CYFIP1: variants seen among roughly 807,000 people sequenced by gnomAD.
The protein encoded by CYFIP1 is cytoplasmic FMR1 interacting protein 1.
In CYFIP1, 58 loss-of-function variants were observed where a neutral mutation model predicts 163.5. That is an observed-to-expected ratio of 0.35 (90% CI 0.29 to 0.44). CYFIP1 has a LOEUF of 0.44. Among genes scored for constraint, CYFIP1 ranks in the 20% least tolerant of loss-of-function variants. The probability of loss-of-function intolerance (pLI) is 1.00; values close to 1 mark genes in which losing one functional copy is unlikely to be tolerated. For synonymous variants in CYFIP1, 663 were observed against 660.7 expected, an observed-to-expected ratio of 1.00 and a Z score of -0.05; for missense variants, 1,338 against 1,653.8, an observed-to-expected ratio of 0.81 and a Z score of 3.31.
intron 12 of CYFIP1, among the ~76,000 whole-genome samples, chr15:22,927,271 G>A (rs1033054884): frequency 5.3e-5 from 8 of 152,026 alleles, no homozygotes; most frequent in Non-Finnish European, 1.2e-4. Flanking sequence ...CCTGAGGTCA[G>A]GAGTTCAAGA....
chr15:22,944,889 C>G lies in CYFIP1; in HGVS notation c.258G>C (p.Trp86Cys). ...GTGGGATGGCCCGGGAGCAGCTCCT[C>G]CAGGTGTACAGCATGACAGCATATT... ...GQEYAVMLYT[W>C]RSCSRAIPQV... is the part of the protein sequence containing the mutation. The change falls in exon 4 of 31, where the codon TGG (tryptophan) becomes TGC (cysteine). Residue 86 changes from tryptophan (W) to cysteine (C), a missense_variant. By Grantham distance (215) the Trp-to-Cys change is radical (BLOSUM62 -2). This residue lies in a region of CYFIP1 where 186 missense variants were observed against 288.3 expected (regional missense o/e 0.65). Transcript: ENST00000617928. 1 of 1,614,044 alleles carries G rather than the reference C, an allele frequency of 6.2e-7. No individual in the cohort carries two copies. The highest frequency in any genetic ancestry group is 8.5e-7 in the Non-Finnish European group (1 of 1,180,004).
Position 22,918,823 on chromosome 15 carries a change from C to T in CYFIP1, c.1395G>A (p.Met465Ile). Residue 465 changes from methionine (M) to isoleucine (I), a missense_variant, in exon 14 of 31, where the codon ATG becomes ATA. By Grantham distance (10) the Met-to-Ile change is conservative. Around this residue, in one of 4 missense-constraint regions of CYFIP1, gnomAD observed 824 missense variants for 995.7 expected, o/e 0.83. Coordinates refer to ENST00000617928, the MANE Select transcript of CYFIP1 (RefSeq NM_014608.6). ...IAMIKGLQVL[M>I]GRMESVFNHA... The stretch of plus-strand genomic sequence containing the variant: ...GGTTGAACACGCTCTCCATCCTGCC[C>T]ATCAGCACCTGCAGGCCTTTGATCA... 1.2e-6 allele frequency: 2 copies of T among 1,612,486 alleles called. No individual in the cohort carries two copies. The highest frequency in any genetic ancestry group is 8.5e-7 in the Non-Finnish European group (1 of 1,179,240).
Position 22,870,197 on chromosome 15 carries a change from A to G in CYFIP1, c.3598-5T>C, listed in dbSNP as rs1429953232. On this transcript the variant is annotated splice_polypyrimidine_tract_variant and splice_region_variant and intron_variant, in intron 30 of 30. Coordinates refer to ENST00000617928, the MANE Select transcript of CYFIP1 (RefSeq NM_014608.6). ...CTCCACCATCTTCTTCAAAGGCTAC[A>G]ACCATCAAAGTGAGGATGTTTTACT... 3 of 1,604,710 alleles carry G rather than the reference A, an allele frequency of 1.9e-6. No homozygotes were observed. The South Asian group carries it at 3.4e-5, about 18-fold the overall frequency.
chr15:22,913,699 C>T (rs999773410), intron 17 of CYFIP1, among the ~76,000 whole-genome samples: 2 of 151,114 alleles, frequency 1.3e-5, no homozygotes, highest in African/African-American at 4.9e-5. Flanking sequence ...GTTGAAGGCC[C>T]GTCTCCCACT....
At chr15:22,909,506 A>G (rs1055450882) in intron 20 of CYFIP1, among the ~76,000 whole-genome samples, 193 bp from the exon 21 acceptor site, 1 of 152,148 alleles carries the variant, frequency 6.6e-6, no homozygotes, top group African/African-American at 2.4e-5. Context: ...ACGATAAATA[A>G]AATTACTCCA....
intron 1 of CYFIP1, among the ~76,000 whole-genome samples, chr15:22,957,690 A>G (rs929387526): frequency 2.0e-5 from 3 of 152,244 alleles, no homozygotes; most frequent in Non-Finnish European, 2.9e-5. Flanking sequence ...GCTAAACAGC[A>G]TAATCAAACA....
intron 23 of CYFIP1, among the ~76,000 whole-genome samples, chr15:22,887,480 A>C (rs1280815561): frequency 6.6e-6 from 1 of 152,254 alleles, no homozygotes; most frequent in Non-Finnish European, 1.5e-5. Context: ...TTTGAAAAGA[A>C]GAACACGAAA....
chr15:22,921,633 T>C (rs908602887), intron 13 of CYFIP1, among the ~76,000 whole-genome samples: 3 of 151,370 alleles, frequency 2.0e-5, no homozygotes, highest in African/African-American at 4.9e-5. Flanking sequence ...CAGGCCAACA[T>C]TGGTGAAACC....
intron 1 of CYFIP1, among the ~76,000 whole-genome samples, chr15:22,958,662 G>A (rs117650045): frequency 0.027 from 4,150 of 152,050 alleles, 113 homozygotes; most frequent in Admixed American, 0.071. Flanking sequence ...TCCTAACATC[G>A]CCCTCCCCCA....
chr15:22,901,220 A>C (rs1003268960), intron 22 of CYFIP1, among the ~76,000 whole-genome samples: 5 of 151,974 alleles, frequency 3.3e-5, no homozygotes, highest in Admixed American at 3.3e-4. Flanking sequence ...CAAAAAAAAA[A>C]ACCAAAAAAA....
At chr15:22,933,676 G>A in intron 10 of CYFIP1, 126 bp downstream of exon 10, 1 of 694,606 alleles carries the variant, frequency 1.4e-6, no homozygotes, top group Non-Finnish European at 2.5e-6. Context: ...CTGCAATACT[G>A]GACATTTAAT....
chr15:22,884,201 C>T (rs2059868621), intron 23 of CYFIP1, among the ~76,000 whole-genome samples: 1 of 152,162 alleles, frequency 6.6e-6, no homozygotes, highest in African/African-American at 2.4e-5. Context: ...AACAGTGCCC[C>T]AAAGTCTTAA....
At chr15:22,979,593 C>A (rs1237780093) in intron 1 of CYFIP1, among the ~76,000 whole-genome samples, 1 of 152,216 alleles carries the variant, frequency 6.6e-6, no homozygotes, top group Non-Finnish European at 1.5e-5. Flanking sequence ...GTTCCATCAA[C>A]CCCGTTTCCC....
intron 3 of CYFIP1, 182 bp downstream of exon 3, chr15:22,946,821 C>G (rs778744132): frequency 2.7e-5 from 19 of 714,390 alleles, no homozygotes; most frequent in Admixed American, 2.4e-4. Flanking sequence ...TTTTCAGAAC[C>G]AGCATGTATT....
chr15:22,909,321 A>T lies in CYFIP1; in HGVS notation c.2269-8T>A. 6.2e-7 allele frequency: 1 copy of T among 1,613,986 alleles called. No individual in the cohort carries two copies. The highest frequency in any genetic ancestry group is 8.5e-7 in the Non-Finnish European group (1 of 1,179,890). ...TATTGATCTGCCGAGGAGCTGGCGT[A>T]CACAGGGAAGGATGGCAGGTAAAGA... On this transcript the variant is annotated splice_polypyrimidine_tract_variant and splice_region_variant and intron_variant, in intron 20 of 30. Transcript: ENST00000617928.
intron 1 of CYFIP1, among the ~76,000 whole-genome samples, chr15:22,976,800 C>G (rs970378600): frequency 6.6e-6 from 1 of 152,168 alleles, no homozygotes; most frequent in Middle Eastern, 3.2e-3. Context: ...TGGAACGTAT[C>G]GTCCATGGAT....
chr15:22,902,276 C>T (rs2060418297), intron 22 of CYFIP1, among the ~76,000 whole-genome samples: 1 of 152,210 alleles, frequency 6.6e-6, no homozygotes, highest in African/African-American at 2.4e-5. Flanking sequence ...CTGGGTGCAC[C>T]GTGCTGATCT....
chr15:22,944,011 G>C (rs1355632682), intron 5 of CYFIP1, among the ~76,000 whole-genome samples: 1 of 152,070 alleles, frequency 6.6e-6, no homozygotes, highest in Non-Finnish European at 1.5e-5. Flanking sequence ...GGCCAAGATG[G>C]GCAGATCATC....
In CYFIP1 at chr15:22,885,267, A is replaced by G. The variant is rs1227357279; in HGVS notation, c.2677-2256T>C. Among the ~76,000 whole-genome samples the G allele has an allele frequency of 2.0e-5, 3 of 152,122 alleles. No homozygotes were observed. In the East Asian group the frequency reaches 5.8e-4, roughly 29 times the overall value. ...AAACTCCAATTTCAGATCTCTCTCA[A>G]GTTCAATGTACCACGTATCTCTAGG... On this transcript the variant is annotated intron_variant, in intron 23 of 30. Transcript: ENST00000617928.
Sources: allele counts gnomAD v4.1 joint callset (sites outside exome capture counted in the v4.1 genomes callset), GRCh38; gene constraint gnomAD v4.1.1; regional missense constraint gnomAD v4.1.1; transcripts MANE v1.5; gene names NCBI Gene and HGNC (gene_info 2026-07-23, HGNC 2026-07-21).